APOL6: variants seen among roughly 807,000 people sequenced by gnomAD.
APOL6 encodes apolipoprotein L, 6.
Under a neutral mutation model 2.4 loss-of-function variants are expected in APOL6, and 1 was observed. The ratio of observed to expected loss-of-function variants is 0.41; its 90% CI spans 0.15 to 1.94. The LOEUF is 1.94. Among genes scored for constraint, APOL6 ranks in the 30% most tolerant of loss-of-function variants. APOL6 has a pLI of 0.30. For missense variants in APOL6, 438 were observed against 429.2 expected (o/e 1.02, Z -0.18); for synonymous variants, 189 against 169.3 (o/e 1.12, Z -0.90).
chr22:35,664,635 A>T lies in APOL6; in HGVS notation c.*5039A>T, dbSNP rs1041180824. ...TTATAAATAATCTAGGTAAACAATT[A>T]ATAAAATAACTAGGTAAATGTAATG... On this transcript the variant is annotated 3_prime_UTR_variant, in exon 3 of 3. Coordinates refer to ENST00000409652, the MANE Select transcript of APOL6 (RefSeq NM_030641.4). 2.0e-5 allele frequency: 3 copies of T among 152,198 alleles called. No homozygotes were observed. The highest frequency in any genetic ancestry group is 4.4e-5 in the Non-Finnish European group (3 of 68,022). The allele number at this position is 152,198 out of a possible 1,614,324, so 9.4% of individuals were successfully genotyped here. A position where few individuals can be genotyped will look rare whatever the true frequency, so the allele number is the denominator to read the frequency against.
At chr22:35,653,090 T>C (rs1924743384) in intron 1 of APOL6, among the ~76,000 whole-genome samples, 1 of 151,260 alleles carries the variant, frequency 6.6e-6, no homozygotes, top group Non-Finnish European at 1.5e-5. Context: ...TGGTTTGTAG[T>C]TCTCCTTGAA....
At chr22:35,655,586 T>TA (rs894005641) in intron 1 of APOL6, among the ~76,000 whole-genome samples, 2 of 152,184 alleles carry the variant, frequency 1.3e-5, no homozygotes, top group African/African-American at 2.4e-5. Context: ...TTTAACTATA[T>TA]AAAAAAACTA....
chr22:35,649,359 A>G (rs139215717), intron 1 of APOL6, among the ~76,000 whole-genome samples: 1 of 151,092 alleles, frequency 6.6e-6, no homozygotes, highest in East Asian at 2.0e-4. Context: ...GATCACTTGA[A>G]CCCAGGAAGT....
chr22:35,653,833 C>T (rs992042284), intron 1 of APOL6, among the ~76,000 whole-genome samples: 8 of 152,188 alleles, frequency 5.3e-5, no homozygotes, highest in Admixed American at 5.2e-4. Flanking sequence ...CTATCAGATC[C>T]CCCAGGTTAA....
At chr22:35,655,500 CAAT>C (rs1291146638) in intron 1 of APOL6, among the ~76,000 whole-genome samples, 1 of 152,010 alleles carries the variant, frequency 6.6e-6, no homozygotes, top group Non-Finnish European at 1.5e-5. Flanking sequence ...TTCTTTCACT[CAAT>C]AATAATGTCT....
In APOL6 at chr22:35,661,288, G is replaced by T. The variant is rs1925018621; in HGVS notation, c.*1692G>T. 7.0e-6 allele frequency: 1 copy of T among 142,334 alleles called. No homozygotes were observed. 8.8% of individuals were successfully genotyped at this position (142,334 alleles called of 1,614,324 possible). On this transcript the variant is annotated 3_prime_UTR_variant, in exon 3 of 3. Coordinates refer to ENST00000409652, the MANE Select transcript of APOL6 (RefSeq NM_030641.4). ...CAGGAGAATCGCTTGAACCCAGGCTGTAAAGGTTGCAGTGAGCCAAGATCA... is the reference window on the plus strand; with the variant it reads ...CAGGAGAATCGCTTGAACCCAGGCTTTAAAGGTTGCAGTGAGCCAAGATCA...
rs1408169861 is a variant in APOL6 at position 35,663,520 on chromosome 22, T to G, written c.*3924T>G. 3 of 151,946 alleles carry G rather than the reference T, an allele frequency of 2.0e-5. No homozygotes were observed. Among genetic ancestry groups the G allele is most frequent in the Non-Finnish European group, 2.9e-5 (2 of 67,984 alleles). 9.4% of individuals were successfully genotyped at this position (151,946 alleles called of 1,614,324 possible). A position where few individuals can be genotyped will look rare whatever the true frequency, so the allele number is the denominator to read the frequency against. On this transcript the variant is annotated 3_prime_UTR_variant, in exon 3 of 3. Transcript: ENST00000409652. ...GTCTTTTTTTTGTAGCAAAAGTTTTTTTTTTTTTTTTCCTTTTACTTCTCA... is the reference window on the plus strand; with the variant it reads ...GTCTTTTTTTTGTAGCAAAAGTTTTGTTTTTTTTTTTCCTTTTACTTCTCA...
rs751152444 is a variant in APOL6 at position 35,659,264 on chromosome 22, C to G, written c.700C>G (p.Arg234Gly). ...GTTLAMTKNA[R>G]VLGGVMSAFS... Reference sequence around the variant, plus strand: ...AACACTGGCGATGACCAAAAATGCTCGCGTGCTGGGAGGTGTGATGTCCGC... The same window carrying G: ...AACACTGGCGATGACCAAAAATGCTGGCGTGCTGGGAGGTGTGATGTCCGC... The change falls in exon 3 of 3, where the codon CGC (arginine) becomes GGC (glycine). Residue 234 changes from arginine (R) to glycine (G), a missense_variant. By Grantham distance (125) the Arg-to-Gly change is moderately radical. Transcript: ENST00000409652. 6.2e-7 allele frequency: 1 copy of G among 1,614,124 alleles called. No individual in the cohort carries two copies. Among genetic ancestry groups the G allele is most frequent in the Non-Finnish European group, 8.5e-7 (1 of 1,180,014 alleles).
rs1477404910 is a variant in APOL6, at chr22:35,663,546, G to T, written c.*3950G>T. On this transcript the variant is annotated 3_prime_UTR_variant, in exon 3 of 3. Transcript: ENST00000409652. ...TTTTTTTTTTTCCTTTTACTTCTCA[G>T]TTGACTGAATTCTGTTTTCACCGGA... 7.1e-5 allele frequency: 10 copies of T among 140,754 alleles called. No homozygotes were observed. The highest frequency in any genetic ancestry group is 1.2e-4 in the Non-Finnish European group (8 of 65,530). The allele number at this position is 140,754 out of a possible 1,614,324, so 8.7% of individuals were successfully genotyped here. A position where few individuals can be genotyped will look rare whatever the true frequency, so the allele number is the denominator to read the frequency against.
At position 35,662,073 on chromosome 22, in the gene APOL6, A is replaced by G. The variant is rs1261567680; in HGVS notation, c.*2477A>G. The G allele has an allele frequency of 6.6e-6, 1 of 152,204 alleles. No individual in the cohort carries two copies. Among genetic ancestry groups the G allele is most frequent in the African/African-American group, 2.4e-5 (1 of 41,454 alleles). 9.4% of individuals were successfully genotyped at this position (152,204 alleles called of 1,614,324 possible). On this transcript the variant is annotated 3_prime_UTR_variant, in exon 3 of 3. Transcript: ENST00000409652. ...ATCTTCTCTGATCGATGTAGATTCCAGGAAGGGGTGTCCAGGACAATTACC... is the reference window on the plus strand; with the variant it reads ...ATCTTCTCTGATCGATGTAGATTCCGGGAAGGGGTGTCCAGGACAATTACC...
At position 35,666,111 on chromosome 22, in the gene APOL6, A is replaced by G. The variant is rs1302834962; in HGVS notation, c.*6515A>G. On this transcript the variant is annotated 3_prime_UTR_variant, in exon 3 of 3. Coordinates refer to ENST00000409652, the MANE Select transcript of APOL6 (RefSeq NM_030641.4). ...GTGAAACTCCTATAATTCTAATATA[A>G]CTTAGTGTACATTATCAGTAATAAT... is the stretch of plus-strand genomic sequence containing the variant. 1 of 152,128 alleles carries G rather than the reference A, an allele frequency of 6.6e-6. No homozygotes were observed. Among genetic ancestry groups the G allele is most frequent in the Non-Finnish European group, 1.5e-5 (1 of 68,036 alleles). The allele number at this position is 152,128 out of a possible 1,614,324, so 9.4% of individuals were successfully genotyped here. A position where few individuals can be genotyped will look rare whatever the true frequency, so the allele number is the denominator to read the frequency against.
At chr22:35,654,359 A>G (rs1156869134) in intron 1 of APOL6, among the ~76,000 whole-genome samples, 1 of 152,030 alleles carries the variant, frequency 6.6e-6, no homozygotes, top group African/African-American at 2.4e-5. Flanking sequence ...GCAGCCCCCC[A>G]TCCTTGGAGG....
intron 1 of APOL6, 32 bp from the exon 2 acceptor site, chr22:35,656,347 C>A: frequency 6.6e-7 from 1 of 1,514,808 alleles, no homozygotes; most frequent in South Asian, 1.1e-5. Context: ...ATCATATGTG[C>A]AGTAACGTTG....
rs1924991133 is a variant in APOL6, at chr22:35,660,434, G to A, written c.*838G>A. 2 of 152,244 alleles carry A rather than the reference G, an allele frequency of 1.3e-5. No homozygotes were observed. Among genetic ancestry groups the A allele is most frequent in the African/African-American group, 4.8e-5 (2 of 41,468 alleles). 9.4% of individuals were successfully genotyped at this position (152,244 alleles called of 1,614,324 possible). ...TCTGGGACTTCCAGCCTCTAGAACT[G>A]TGAAACAATAAATTTCTGTGGTGTA... On this transcript the variant is annotated 3_prime_UTR_variant, in exon 3 of 3. Transcript: ENST00000409652.
rs779736731 is a variant in APOL6 at position 35,656,446 on chromosome 22, A to G, written c.21A>G (p.Arg7=). 34 of 1,613,982 alleles carry G rather than the reference A, an allele frequency of 2.1e-5. No homozygotes were observed. The highest frequency in any genetic ancestry group is 1.2e-4 in the Admixed American group (7 of 60,002). The change falls in exon 2 of 3, where the codon AGA becomes AGG. Residue 7 remains arginine (R), a synonymous_variant. Transcript: ENST00000409652. The part of the protein sequence containing the change: MDNQAE[R]ESEAGVGLQR... ...GGCTGATGGACAACCAGGCGGAGAG[A>G]GAAAGTGAGGCTGGTGTTGGTTTGC... is the stretch of plus-strand genomic sequence containing the variant.
chr22:35,659,773 T>C lies in APOL6; in HGVS notation c.*177T>C. 9.0e-7 allele frequency: 1 copy of C among 1,109,034 alleles called. No individual in the cohort carries two copies. The highest frequency in any genetic ancestry group is 1.2e-6 in the Non-Finnish European group (1 of 801,046). The allele number at this position is 1,109,034 out of a possible 1,614,324, so 68.7% of individuals were successfully genotyped here. A position where few individuals can be genotyped will look rare whatever the true frequency, so the allele number is the denominator to read the frequency against. ...CTTCCCTGTTTGTTTGTTTGTTTGTTTGTTTGTTTGTTTTGAGACAGGGTC... is the reference window on the plus strand; with the variant it reads ...CTTCCCTGTTTGTTTGTTTGTTTGTCTGTTTGTTTGTTTTGAGACAGGGTC... On this transcript the variant is annotated 3_prime_UTR_variant, in exon 3 of 3. Coordinates refer to ENST00000409652, the MANE Select transcript of APOL6 (RefSeq NM_030641.4).
Position 35,659,386 on chromosome 22 carries a change from G to A in APOL6, c.822G>A (p.Lys274=). The A allele has an allele frequency of 1.2e-6, 2 of 1,614,196 alleles. No individual in the cohort carries two copies. The highest frequency in any genetic ancestry group is 1.7e-6 in the Non-Finnish European group (2 of 1,180,042). The change falls in exon 3 of 3, where the codon AAG becomes AAA. Residue 274 remains lysine, a synonymous_variant. Transcript: ENST00000409652. ...AGTTTGCGGAAGAGTTGAGAGCCAA[G>A]GCCTTGGAGCTGGAGAGGAAACTCA... ...RTKFAEELRA[K]ALELERKLTE...
chr22:35,655,467 A>G (rs1436819082), intron 1 of APOL6, among the ~76,000 whole-genome samples: 5 of 152,180 alleles, frequency 3.3e-5, no homozygotes, highest in Non-Finnish European at 5.9e-5. Context: ...TGAGTTTCAT[A>G]TAAATGGAGC....
At position 35,658,831 on chromosome 22, in the gene APOL6, A is replaced by T; in HGVS notation, c.267A>T (p.Gly89=). 1.2e-6 allele frequency: 2 copies of T among 1,614,170 alleles called. No homozygotes were observed. Among genetic ancestry groups the T allele is most frequent in the Non-Finnish European group, 1.7e-6 (2 of 1,180,022 alleles). Reference sequence around the variant, plus strand: ...CCACCTCTACTGCTGTCATCTCTGGAGTGATGAGCCTCCTGGGTTTAGCCC... The same window carrying T: ...CCACCTCTACTGCTGTCATCTCTGGTGTGATGAGCCTCCTGGGTTTAGCCC... The part of the protein sequence containing the change: ...MVATSTAVIS[G]VMSLLGLALA... Residue 89 remains glycine (G), a synonymous_variant, in exon 3 of 3, where the codon GGA becomes GGT. Transcript: ENST00000409652.
Sources: allele counts gnomAD v4.1 joint callset (sites outside exome capture counted in the v4.1 genomes callset), GRCh38; gene constraint gnomAD v4.1.1; transcripts MANE v1.5; gene names NCBI Gene and HGNC (gene_info 2026-07-23, HGNC 2026-07-21).